The following C9orf43 variants were observed in gnomAD, a reference collection of about 807,000 sequenced individuals.
C9orf43 encodes the protein uncharacterized protein C9orf43.
In C9orf43, 45 loss-of-function variants were observed where a neutral mutation model predicts 59.1. The ratio of observed to expected loss-of-function variants is 0.76; its 90% CI spans 0.60 to 0.98. The LOEUF (loss-of-function observed/expected upper bound fraction) is 0.98, where lower values mean the gene tolerates loss of function less well. Among genes scored for constraint, C9orf43 ranks in the 50% least tolerant of loss-of-function variants. The probability of loss-of-function intolerance (pLI) is 0.00; values close to 1 mark genes in which losing one functional copy is unlikely to be tolerated. For synonymous variants in C9orf43, 203 were observed against 196.8 expected (o/e 1.03, Z -0.26); for missense variants, 533 against 554.9 (o/e 0.96, Z 0.40).
intron 4 of C9orf43, among the ~76,000 whole-genome samples, chr9:113,420,002 G>C (rs1439986828): frequency 6.6e-6 from 1 of 152,096 alleles, no homozygotes; most frequent in Non-Finnish European, 1.5e-5. Flanking sequence ...AACTGAGATG[G>C]TAGATGGTTT....
intron 3 of C9orf43, among the ~76,000 whole-genome samples, chr9:113,415,243 G>A (rs1472572475): frequency 2.6e-5 from 4 of 151,892 alleles, no homozygotes; most frequent in Admixed American, 2.0e-4. Context: ...TCCTGGGTTC[G>A]AGTGATTCTC....
Position 113,429,473 on chromosome 9 carries a change from T to C in C9orf43, c.*87T>C. 1.7e-6 allele frequency: 2 copies of C among 1,153,692 alleles called. No homozygotes were observed. Among genetic ancestry groups the C allele is most frequent in the Non-Finnish European group, 2.5e-6 (2 of 790,820 alleles). The allele number at this position is 1,153,692 out of a possible 1,614,324, so 71.5% of individuals were successfully genotyped here. A position where few individuals can be genotyped will look rare whatever the true frequency, so the allele number is the denominator to read the frequency against. ...GGCTGGTATCCTGAGGGCAGCAACG[T>C]TTCACATAAGGGCAAGAGGAGAGGG... On this transcript the variant is annotated 3_prime_UTR_variant, in exon 14 of 14. Coordinates refer to ENST00000374165, the MANE Select transcript of C9orf43 (RefSeq NM_001278629.2).
chr9:113,419,004 C>A, intron 3 of C9orf43, 104 bp from the exon 4 acceptor site: 1 of 932,394 alleles, frequency 1.1e-6, no homozygotes, highest in Non-Finnish European at 1.6e-6. Context: ...GCATTAAGCC[C>A]AAGGTTTTCT....
chr9:113,429,383 G>A lies in C9orf43; in HGVS notation c.1383G>A (p.Glu461=). The change falls in exon 14 of 14, where the codon GAG becomes GAA. Residue 461 remains glutamate, a synonymous_variant. Coordinates refer to ENST00000374165, the MANE Select transcript of C9orf43 (RefSeq NM_001278629.2). The part of the protein sequence containing the change: ...EDEEDQSSGA[E] Reference sequence around the variant, plus strand: ...AGGAGGACCAGTCCTCTGGGGCAGAGTGAGAAGCCTCTGGAGGAATAGACT... The same window carrying A: ...AGGAGGACCAGTCCTCTGGGGCAGAATGAGAAGCCTCTGGAGGAATAGACT... The A allele has an allele frequency of 6.2e-7, 1 of 1,613,774 alleles. No homozygotes were observed. The highest frequency in any genetic ancestry group is 8.5e-7 in the Non-Finnish European group (1 of 1,179,878).
intron 3 of C9orf43, among the ~76,000 whole-genome samples, chr9:113,414,404 A>AGCTAGGACTACAAGTGT (rs1389988379): frequency 6.6e-6 from 1 of 151,444 alleles, no homozygotes; most frequent in African/African-American, 2.4e-5. Flanking sequence ...CCTCCCAAGT[A>AGCTAGGACTACAAGTGT]GCTAGGACTA....
At chr9:113,422,276 A>T (rs542195542) in intron 5 of C9orf43, among the ~76,000 whole-genome samples, 1 of 152,332 alleles carries the variant, frequency 6.6e-6, no homozygotes, top group East Asian at 1.9e-4. Flanking sequence ...CTATGAAAGT[A>T]GGTAACCGGA....
intron 3 of C9orf43, among the ~76,000 whole-genome samples, chr9:113,415,505 G>A (rs1328696901): frequency 4.6e-5 from 7 of 151,876 alleles, no homozygotes; most frequent in African/African-American, 1.2e-4. Flanking sequence ...TTAAAAAGAC[G>A]TGTTACATGC....
In C9orf43 at chr9:113,428,064, T is replaced by C. The variant is rs192110123; in HGVS notation, c.1031-83T>C. The C allele has an allele frequency of 5.2e-4, 700 of 1,351,418 alleles. 3 individuals carry two copies. Among genetic ancestry groups the C allele is most frequent in the African/African-American group, 3.5e-3 (246 of 69,814 alleles). The allele number at this position is 1,351,418 out of a possible 1,614,324, so 83.7% of individuals were successfully genotyped here. ...CTTTTCCTGGATGCAGAGTCACTTG[T>C]AGACTAGGGGTCACCTAGAAGCCCC... On this transcript the variant is annotated intron_variant, in intron 11 of 13. Transcript: ENST00000374165.
Position 113,410,760 on chromosome 9 carries a change from G to C in C9orf43, c.-291G>C, listed in dbSNP as rs2119041156. The C allele has an allele frequency of 4.9e-6, 1 of 204,794 alleles. No homozygotes were observed. The allele number at this position is 204,794 out of a possible 1,614,324, so 12.7% of individuals were successfully genotyped here. A position where few individuals can be genotyped will look rare whatever the true frequency, so the allele number is the denominator to read the frequency against. On this transcript the variant is annotated 5_prime_UTR_variant, in exon 1 of 14. Coordinates refer to ENST00000374165, the MANE Select transcript of C9orf43 (RefSeq NM_001278629.2). The stretch of plus-strand genomic sequence containing the variant: ...GCGGATCCCTTTAGGACCCGAGGCA[G>C]GCTCTGGGCCCGCCGGGTCCGTTAA...
At chr9:113,416,119 C>G (rs556104458) in intron 3 of C9orf43, among the ~76,000 whole-genome samples, 5 of 152,360 alleles carry the variant, frequency 3.3e-5, no homozygotes, top group African/African-American at 1.2e-4. Context: ...TTCTGCTTCA[C>G]ACTCTCTGTC....
In C9orf43 at chr9:113,424,268, T is replaced by A. The variant is rs763396807; in HGVS notation, c.759T>A (p.Ser253Arg). Reference sequence around the variant, plus strand: ...CCTTGGAAAAGAACCGACCTGACAGTGTGATTTCTTCTAAGATGTTTCTAT... The same window carrying A: ...CCTTGGAAAAGAACCGACCTGACAGAGTGATTTCTTCTAAGATGTTTCTAT... ...NLPLEKNRPD[S>R]VISSKMFLSI... Residue 253 changes from serine (S) to arginine (R), a missense_variant, in exon 8 of 14, where the codon AGT becomes AGA. Ser to Arg is a moderately radical substitution (Grantham distance 110). Coordinates refer to ENST00000374165, the MANE Select transcript of C9orf43 (RefSeq NM_001278629.2). 1.9e-6 allele frequency: 3 copies of A among 1,613,966 alleles called. No homozygotes were observed. The highest frequency in any genetic ancestry group is 2.2e-5 in the South Asian group (2 of 91,066).
At chr9:113,411,705 G>T (rs970595032) in intron 1 of C9orf43, among the ~76,000 whole-genome samples, 4 of 151,884 alleles carry the variant, frequency 2.6e-5, no homozygotes, top group Admixed American at 1.3e-4. Flanking sequence ...TCTTGACAGG[G>T]TCTCACTCCG....
chr9:113,413,060 G>C (rs1828229537), intron 1 of C9orf43, among the ~76,000 whole-genome samples: 2 of 152,172 alleles, frequency 1.3e-5, no homozygotes, highest in African/African-American at 2.4e-5. Flanking sequence ...ACTAACGAAG[G>C]GGAAAAGGAA....
At chr9:113,413,732 A>G (rs1828256575) in intron 2 of C9orf43, 27 bp from the exon 3 acceptor site, 3 of 1,612,752 alleles carry the variant, frequency 1.9e-6, no homozygotes, top group Admixed American at 3.3e-5. Flanking sequence ...GCAGGTTAAC[A>G]TGTTTTCTTC....
intron 3 of C9orf43, among the ~76,000 whole-genome samples, chr9:113,414,516 C>T (rs901453186): frequency 6.6e-6 from 1 of 151,790 alleles, no homozygotes; most frequent in Non-Finnish European, 1.5e-5. Context: ...AACTCCTGGC[C>T]TCAAGTGATC....
intron 3 of C9orf43, among the ~76,000 whole-genome samples, chr9:113,415,090 C>T (rs1828309818): frequency 1.3e-5 from 2 of 152,244 alleles, no homozygotes; most frequent in South Asian, 4.1e-4. Flanking sequence ...CCTCAGCCTC[C>T]CAAAGTGCTA....
In C9orf43 at chr9:113,428,231, T is replaced by A. The variant is rs769552381; in HGVS notation, c.1107+8T>A. ...GGAACCACTTCGAAACAGGTGAGAGTGTACCAAGGCCTCTGCTAGGACCCA... is the reference window on the plus strand; with the variant it reads ...GGAACCACTTCGAAACAGGTGAGAGAGTACCAAGGCCTCTGCTAGGACCCA... On this transcript the variant is annotated splice_region_variant and intron_variant, in intron 12 of 13. Coordinates refer to ENST00000374165, the MANE Select transcript of C9orf43 (RefSeq NM_001278629.2). The A allele has an allele frequency of 6.2e-7, 1 of 1,613,322 alleles. No homozygotes were observed. The highest frequency in any genetic ancestry group is 2.2e-5 in the East Asian group (1 of 44,866).
chr9:113,421,779 C>A (rs976720194), intron 5 of C9orf43, among the ~76,000 whole-genome samples: 1 of 152,062 alleles, frequency 6.6e-6, no homozygotes, highest in African/African-American at 2.4e-5. Flanking sequence ...CTTTTTATTT[C>A]TTTTGTTTTT....
intron 1 of C9orf43, chr9:113,411,229 T>C (rs1828126043): frequency 1.9e-6 from 1 of 520,594 alleles, no homozygotes; most frequent in African/African-American, 2.1e-5. Context: ...AAATTGTATT[T>C]ATTTTTCAGT....
Sources: gnomAD v4.1 joint callset for allele counts (sites outside exome capture counted in the v4.1 genomes callset) on GRCh38, gnomAD v4.1.1 for gene constraint, MANE v1.5 for transcripts, NCBI Gene and HGNC (gene_info 2026-07-23, HGNC 2026-07-21) for gene names.